The following LRBA variants were observed in gnomAD, a reference collection of about 807,000 sequenced individuals.
LRBA encodes LPS responsive beige-like anchor protein, also known as lipopolysaccharide-responsive and beige-like anchor protein.
LRBA carries 176 observed loss-of-function variants against 330.0 expected under a neutral mutation model. The observed-to-expected ratio is 0.53, with a 90% confidence interval of 0.47 to 0.60. The LOEUF is 0.60. LRBA is among the 20% of genes least tolerant of loss of function. LRBA has a pLI of 0.00. For missense variants in LRBA, 3,259 were observed against 3,444.8 expected, an observed-to-expected ratio of 0.95 and a Z score of 1.35; for synonymous variants, 1,230 against 1,193.0, an observed-to-expected ratio of 1.03 and a Z score of -0.64.
intron 2 of LRBA, among the ~76,000 whole-genome samples, chr4:150,971,867 T>A (rs1056043528): frequency 2.0e-5 from 3 of 152,128 alleles, no homozygotes; most frequent in African/African-American, 7.2e-5. Flanking sequence ...AAAATGGAGA[T>A]GCCTTTAATG....
intron 44 of LRBA, among the ~76,000 whole-genome samples, chr4:150,439,113 T>C (rs967867188): frequency 2.0e-5 from 3 of 152,042 alleles, no homozygotes; most frequent in African/African-American, 7.2e-5. Flanking sequence ...GAATGAGCCA[T>C]GGAAAAGAAA....
chr4:150,303,582 A>AT (rs1238408174), intron 52 of LRBA, among the ~76,000 whole-genome samples: 4 of 151,828 alleles, frequency 2.6e-5, no homozygotes, highest in African/African-American at 4.8e-5. Flanking sequence ...TTATTTATTT[A>AT]TTTTTTTGAG....
intron 36 of LRBA, among the ~76,000 whole-genome samples, chr4:150,705,830 G>A (rs960907213): frequency 6.6e-6 from 1 of 151,788 alleles, no homozygotes; most frequent in Non-Finnish European, 1.5e-5. Flanking sequence ...CAGATCAAAG[G>A]CTATGTCATA....
intron 33 of LRBA, 132 bp from the exon 34 acceptor site, chr4:150,798,274 A>T: frequency 1.6e-6 from 1 of 606,616 alleles, no homozygotes. Context: ...ACATGATCAA[A>T]TAAGGTACAC....
intron 40 of LRBA, among the ~76,000 whole-genome samples, chr4:150,575,967 C>A (rs958216056): frequency 1.3e-5 from 2 of 151,750 alleles, no homozygotes; most frequent in African/African-American, 4.8e-5. Context: ...TAAAGGCCAG[C>A]AAAATTTGGT....
intron 40 of LRBA, among the ~76,000 whole-genome samples, chr4:150,509,712 G>C (rs942592743): frequency 1.3e-5 from 2 of 151,838 alleles, no homozygotes; most frequent in Admixed American, 1.3e-4. Flanking sequence ...CGAATATCAG[G>C]AATTATAACA....
At chr4:150,754,941 C>T (rs1734089928) in intron 35 of LRBA, among the ~76,000 whole-genome samples, 1 of 152,166 alleles carries the variant, frequency 6.6e-6, no homozygotes, top group African/African-American at 2.4e-5. Context: ...TATATTCTAG[C>T]CACACTGTTT....
chr4:150,333,708 T>C (rs547374124), intron 48 of LRBA, among the ~76,000 whole-genome samples: 1 of 152,304 alleles, frequency 6.6e-6, no homozygotes, highest in African/African-American at 2.4e-5. Context: ...CAAAGTTTAC[T>C]GTCTAGCTGA....
At chr4:150,448,702 T>C (rs1482106154) in intron 44 of LRBA, among the ~76,000 whole-genome samples, 1 of 148,964 alleles carries the variant, frequency 6.7e-6, no homozygotes. Context: ...CTTGGGAGGC[T>C]GAGGCAGGAG....
chr4:150,447,619 C>CT (rs1005166434), intron 44 of LRBA, among the ~76,000 whole-genome samples: 63 of 152,238 alleles, frequency 4.1e-4, no homozygotes, highest in African/African-American at 1.5e-3. Flanking sequence ...CAGCCGATTT[C>CT]TCATAATAAA....
At chr4:150,765,084 C>CT (rs1344948778) in intron 34 of LRBA, among the ~76,000 whole-genome samples, 7 of 139,042 alleles carry the variant, frequency 5.0e-5, no homozygotes, top group Admixed American at 2.2e-4. Context: ...TTATTCAGCG[C>CT]TAAAAAAAAA....
At chr4:150,685,418 ATATTTTTTTTTTTTTTTT>A (rs1783509649) in intron 36 of LRBA, among the ~76,000 whole-genome samples, 1 of 18,796 alleles carries the variant, frequency 5.3e-5, no homozygotes, top group Non-Finnish European at 9.1e-5. Flanking sequence ...ATATATATAT[ATATTTTTTTTTTTTTTTT>A]TTTTTTTTTT....
At chr4:150,979,641 TTC>T (rs1282414622) in intron 2 of LRBA, among the ~76,000 whole-genome samples, 1 of 151,958 alleles carries the variant, frequency 6.6e-6, no homozygotes, top group Non-Finnish European at 1.5e-5. Flanking sequence ...TTTATTAGTT[TTC>T]TTTTTGCTTC....
intron 50 of LRBA, among the ~76,000 whole-genome samples, chr4:150,320,576 G>GCAGGAGGACTGCTTGAGGC (rs1230152685): frequency 2.0e-5 from 3 of 152,122 alleles, no homozygotes; most frequent in Admixed American, 6.6e-5. Context: ...AGAGGCTGAG[G>GCAGGAGGACTGCTTGAGGC]CAGGAGGACT....
At chr4:150,796,562 C>T (rs1011346180) in intron 34 of LRBA, among the ~76,000 whole-genome samples, 2 of 151,852 alleles carry the variant, frequency 1.3e-5, no homozygotes, top group African/African-American at 4.8e-5. Context: ...CATTTGATTG[C>T]ATTAGTATTA....
intron 47 of LRBA, among the ~76,000 whole-genome samples, chr4:150,411,873 T>C (rs1747059070): frequency 6.6e-6 from 1 of 152,172 alleles, no homozygotes; most frequent in Admixed American, 6.6e-5. Flanking sequence ...ATCTGTGGAA[T>C]TGAAGTGGTA....
At chr4:150,933,482 G>A (rs1277205855) in intron 2 of LRBA, among the ~76,000 whole-genome samples, 2 of 152,094 alleles carry the variant, frequency 1.3e-5, no homozygotes, top group Non-Finnish European at 2.9e-5. Context: ...AAGATACTGT[G>A]AGAAAATCAA....
chr4:150,457,844 T>C (rs980353339), intron 44 of LRBA, among the ~76,000 whole-genome samples: 4 of 151,914 alleles, frequency 2.6e-5, no homozygotes, highest in Non-Finnish European at 5.9e-5. Context: ...ATAAAATTAA[T>C]AATGCTATGC....
At chr4:150,920,236 A>T (rs1363461382) in intron 5 of LRBA, among the ~76,000 whole-genome samples, 1 of 152,160 alleles carries the variant, frequency 6.6e-6, no homozygotes, top group Non-Finnish European at 1.5e-5. Context: ...AAAAGAATAG[A>T]CTGAAATATC....
Sources: allele counts gnomAD v4.1 joint callset (sites outside exome capture counted in the v4.1 genomes callset), GRCh38; gene constraint gnomAD v4.1.1; transcripts MANE v1.5; gene names NCBI Gene and HGNC (gene_info 2026-07-23, HGNC 2026-07-21).